The following PNKD variants were observed in gnomAD, a reference collection of about 807,000 sequenced individuals.
PNKD encodes the protein PNKD metallo-beta-lactamase domain containing.
Under a neutral mutation model 45.3 loss-of-function variants are expected in PNKD, and 36 were observed. The observed-to-expected ratio is 0.80, with a 90% confidence interval of 0.61 to 1.05. The LOEUF (loss-of-function observed/expected upper bound fraction) is 1.05, where lower values mean the gene tolerates loss of function less well. Ranked by LOEUF, PNKD falls within the 50% of genes least tolerant of loss-of-function variation. PNKD has a pLI of 0.00. For missense variants in PNKD, 511 were observed against 506.6 expected, an observed-to-expected ratio of 1.01 and a Z score of -0.08; for synonymous variants, 197 against 210.1, an observed-to-expected ratio of 0.94 and a Z score of 0.54.
At chr2:218,324,985 C>G (rs1319450529) in intron 2 of PNKD, among the ~76,000 whole-genome samples, 1 of 134,840 alleles carries the variant, frequency 7.4e-6, no homozygotes, top group Non-Finnish European at 1.5e-5. Flanking sequence ...ATGAAGGTAT[C>G]TAAATAATTT....
At chr2:218,315,063 TTCCTTCCTTC>T (rs2106265533) in intron 2 of PNKD, among the ~76,000 whole-genome samples, 1 of 118,884 alleles carries the variant, frequency 8.4e-6, no homozygotes, top group Non-Finnish European at 1.8e-5. Context: ...TCTTTCTTCC[TTCCTTCCTTC>T]CTTTCTTTCT....
intron 2 of PNKD, chr2:218,281,928 T>G (rs765721452): frequency 6.3e-7 from 1 of 1,581,182 alleles, no homozygotes; most frequent in South Asian, 1.2e-5. Flanking sequence ...CATCTGCCCT[T>G]CCAGGACTCA....
chr2:218,304,976 G>A (rs150735625), intron 2 of PNKD, among the ~76,000 whole-genome samples: 10,604 of 152,156 alleles, frequency 0.07, 626 homozygotes, highest in African/African-American at 0.16. Flanking sequence ...GGGAGGCTAA[G>A]GCAGGAGAAT....
At chr2:218,271,330 C>T (rs1287109256) in intron 1 of PNKD, 51 bp from the exon 2 acceptor site, 8 of 1,557,232 alleles carry the variant, frequency 5.1e-6, no homozygotes, top group African/African-American at 1.4e-5. Flanking sequence ...CACCTCCCCG[C>T]TTGCTTTCTT....
At chr2:218,315,120 C>CCTTCCTTCCTTCCTTT (rs1553667878) in intron 2 of PNKD, among the ~76,000 whole-genome samples, 15 of 47,174 alleles carry the variant, frequency 3.2e-4, no homozygotes, top group African/African-American at 6.1e-4. Flanking sequence ...TTCCTTCCTT[C>CCTTCCTTCCTTCCTTT]CTTTCTTTCT....
intron 2 of PNKD, among the ~76,000 whole-genome samples, chr2:218,308,143 C>T (rs1693474295): frequency 6.6e-6 from 1 of 151,376 alleles, no homozygotes; most frequent in South Asian, 2.1e-4. Context: ...ACAAATGGTA[C>T]CCCATGAGTC....
At chr2:218,278,202 C>T in intron 2 of PNKD, 2 of 613,138 alleles carry the variant, frequency 3.3e-6, no homozygotes, top group Non-Finnish European at 2.9e-6. Flanking sequence ...GATTGGTTTG[C>T]AACTCTTAAA....
chr2:218,295,476 G>A (rs1053790195), intron 2 of PNKD, among the ~76,000 whole-genome samples: 1 of 152,176 alleles, frequency 6.6e-6, no homozygotes, highest in Non-Finnish European at 1.5e-5. Context: ...GTGGGGGTTC[G>A]GGAAAGGAGT....
At chr2:218,276,128 C>T (rs1321968401) in intron 2 of PNKD, 1 of 1,585,160 alleles carries the variant, frequency 6.3e-7, no homozygotes, top group East Asian at 2.3e-5. Flanking sequence ...CAGCAAACCA[C>T]AGGCCCACAG....
intron 1 of PNKD, 94 bp from the exon 2 acceptor site, chr2:218,271,287 C>T: frequency 9.6e-7 from 1 of 1,039,722 alleles, no homozygotes; most frequent in Non-Finnish European, 1.5e-6. Context: ...TTCCCCAGAT[C>T]TCAGCCGCTC....
chr2:218,328,758 C>G (rs1158030572), intron 2 of PNKD, among the ~76,000 whole-genome samples: 1 of 152,242 alleles, frequency 6.6e-6, no homozygotes, highest in Non-Finnish European at 1.5e-5. Flanking sequence ...GTGCCCTTTT[C>G]TCCATGAAGC....
At chr2:218,301,104 A>T (rs1355158087) in intron 2 of PNKD, among the ~76,000 whole-genome samples, 1 of 152,266 alleles carries the variant, frequency 6.6e-6, no homozygotes, top group Non-Finnish European at 1.5e-5. Flanking sequence ...AGAGGAATAA[A>T]GAATGGCTAC....
At chr2:218,297,873 C>T (rs372636236) in intron 2 of PNKD, among the ~76,000 whole-genome samples, 10 of 151,234 alleles carry the variant, frequency 6.6e-5, no homozygotes, top group South Asian at 6.3e-4. Flanking sequence ...TGGCAGGCGC[C>T]TGTGGTCCCA....
rs575853112 is a variant in PNKD at position 218,318,907 on chromosome 2, C to T, written c.237-20876C>T. 2.1e-5 allele frequency among the ~76,000 whole-genome samples: 3 copies of T among 143,938 alleles called. No homozygotes were observed. The East Asian group carries it at 6.1e-4, about 29-fold the overall frequency. The allele number at this position is 143,938 out of a possible 152,430, so 94.4% of individuals were successfully genotyped here. ...CATTTTTTCTTTAATTTGATGTATACTTTACATATAGTAAAGTGCACAAAT... is the reference window on the plus strand; with the variant it reads ...CATTTTTTCTTTAATTTGATGTATATTTTACATATAGTAAAGTGCACAAAT... On this transcript the variant is annotated intron_variant, in intron 2 of 9. Transcript: ENST00000273077.
intron 2 of PNKD, among the ~76,000 whole-genome samples, chr2:218,290,709 T>G (rs1692877596): frequency 6.6e-6 from 1 of 152,236 alleles, no homozygotes; most frequent in South Asian, 2.1e-4. Context: ...AATATCTCCC[T>G]TCCCACCAAT....
chr2:218,273,327 G>T (rs1574618639), intron 2 of PNKD, among the ~76,000 whole-genome samples: 1 of 152,116 alleles, frequency 6.6e-6, no homozygotes. Flanking sequence ...CTGGAGTGCA[G>T]TGTTGTGATC....
At chr2:218,290,447 G>A (rs1206107502) in intron 2 of PNKD, among the ~76,000 whole-genome samples, 2 of 152,180 alleles carry the variant, frequency 1.3e-5, no homozygotes, top group African/African-American at 4.8e-5. Flanking sequence ...ACACCCAGCT[G>A]CCCCTCAGAG....
At chr2:218,276,672 T>C (rs978666410) in intron 2 of PNKD, among the ~76,000 whole-genome samples, 1 of 152,160 alleles carries the variant, frequency 6.6e-6, no homozygotes, top group African/African-American at 2.4e-5. Flanking sequence ...CCTAGGCCCA[T>C]CATCTCAGTC....
intron 2 of PNKD, among the ~76,000 whole-genome samples, chr2:218,311,238 T>TATCTGTGTA (rs1318463734): frequency 6.6e-6 from 1 of 152,220 alleles, no homozygotes; most frequent in Non-Finnish European, 1.5e-5. Context: ...TCAGGGTTCC[T>TATCTGTGTA]ATCTGTGTAA....
Sources: allele counts gnomAD v4.1 joint callset (sites outside exome capture counted in the v4.1 genomes callset), GRCh38; gene constraint gnomAD v4.1.1; transcripts MANE v1.5; gene names NCBI Gene and HGNC (gene_info 2026-07-23, HGNC 2026-07-21).